PCDHGB5: variants seen among roughly 807,000 people sequenced by gnomAD.
The protein encoded by PCDHGB5 is protocadherin gamma-B5.
Under a neutral mutation model 62.9 loss-of-function variants are expected in PCDHGB5, and 48 were observed. That is an observed-to-expected ratio of 0.76 (90% CI 0.61 to 0.97). PCDHGB5 has a LOEUF of 0.97. Ranked by LOEUF, PCDHGB5 falls within the 50% of genes least tolerant of loss-of-function variation. PCDHGB5 has a pLI of 0.00. For synonymous variants in PCDHGB5, 474 were observed against 511.2 expected (o/e 0.93, Z 0.98); for missense variants, 1,118 against 1,198.6 (o/e 0.93, Z 0.99).
rs771117256 is a variant in PCDHGB5 at position 141,400,217 on chromosome 5, T to A, written c.2090T>A (p.Val697Glu). 6.2e-7 allele frequency: 1 copy of A among 1,613,916 alleles called. No individual in the cohort carries two copies. Among genetic ancestry groups the A allele is most frequent in the Non-Finnish European group, 8.5e-7 (1 of 1,179,908 alleles). Residue 697 changes from valine (V) to glutamate (E), a missense_variant, in exon 1 of 4, where the codon GTG (valine) becomes GAG (glutamate). Transcript: ENST00000617380. ...GTGGTGGCCTTGGCCTTGATCTCAG[T>A]GCTCTTCCTCCTGGCCGTGATTCTG... ...YLVVALALISVLFLLAVILAV... is the reference protein window; with the variant it reads ...YLVVALALISELFLLAVILAV...
rs1427052612 is a variant in PCDHGB5 at position 141,493,002 on chromosome 5, A to G, written c.2398-1805A>G. Among the ~76,000 whole-genome samples, 4 of 152,246 alleles carry G rather than the reference A, an allele frequency of 2.6e-5. No individual in the cohort carries two copies. The highest frequency in any genetic ancestry group is 2.1e-4 in the South Asian group (1 of 4,832). On this transcript the variant is annotated intron_variant, in intron 1 of 3. Transcript: ENST00000617380. This position sits in a 1 kb window ranked among gnomAD's most constrained non-coding sequence, Gnocchi z 4.3. ...TCTCCTCTGGCAGATGGAAAGCTAT[A>G]GGCTCTGCCAGATGCCAGGGTGCCC... is the stretch of plus-strand genomic sequence containing the variant.
At chr5:141,492,063 C>T in intron 1 of PCDHGB5, 1 of 481,160 alleles carries the variant, frequency 2.1e-6, no homozygotes, top group African/African-American at 2.0e-5. Flanking sequence ...CAGCCAGCCT[C>T]CTAGGCGCCG....
intron 1 of PCDHGB5, chr5:141,417,592 TG>T: frequency 2.1e-6 from 1 of 485,078 alleles, no homozygotes; most frequent in Non-Finnish European, 3.5e-6. Context: ...ACAGAGCCTC[TG>T]GGCGCCGCCG....
chr5:141,481,502 T>G (rs1425241526), intron 1 of PCDHGB5, among the ~76,000 whole-genome samples: 1 of 152,232 alleles, frequency 6.6e-6, no homozygotes, highest in Non-Finnish European at 1.5e-5. Context: ...TTGCATGGTA[T>G]GTGAATTATG....
intron 1 of PCDHGB5, chr5:141,423,131 A>G (rs370773437): frequency 1.9e-6 from 3 of 1,613,538 alleles, no homozygotes; most frequent in Admixed American, 1.7e-5. Context: ...GCACTGCTGG[A>G]CAGAGACGCG....
intron 1 of PCDHGB5, among the ~76,000 whole-genome samples, chr5:141,447,339 A>T (rs767342137): frequency 6.6e-6 from 1 of 151,770 alleles, no homozygotes; most frequent in Non-Finnish European, 1.5e-5. Flanking sequence ...GGGTTTCATC[A>T]TATTGGTCAG....
intron 1 of PCDHGB5, among the ~76,000 whole-genome samples, chr5:141,464,404 T>G (rs1224596546): frequency 6.6e-6 from 1 of 151,532 alleles, no homozygotes; most frequent in African/African-American, 2.4e-5. Flanking sequence ...GAACCTGAGA[T>G]ATATATATAT....
intron 1 of PCDHGB5, chr5:141,409,289 G>A: frequency 1.2e-6 from 2 of 1,613,976 alleles, no homozygotes; most frequent in Middle Eastern, 1.6e-4. Context: ...TTCACCTCCA[G>A]GAATGGTTGT....
intron 1 of PCDHGB5, among the ~76,000 whole-genome samples, chr5:141,453,864 G>A (rs758778743): frequency 2.6e-5 from 4 of 152,192 alleles, no homozygotes; most frequent in Non-Finnish European, 5.9e-5. Context: ...GAAAATAACA[G>A]ATGAGCAAAA....
intron 1 of PCDHGB5, chr5:141,408,979 C>A (rs1331121466): frequency 6.2e-7 from 1 of 1,613,862 alleles, no homozygotes; most frequent in East Asian, 2.2e-5. Flanking sequence ...CCCCTGGGTC[C>A]CCTGTGTTGC....
chr5:141,431,206 G>A lies in PCDHGB5; in HGVS notation c.2397+30682G>A, dbSNP rs17097300. On this transcript the variant is annotated intron_variant, in intron 1 of 3. Coordinates refer to ENST00000617380, the MANE Select transcript of PCDHGB5 (RefSeq NM_018925.3). The surrounding 1 kb of genome is among the most constrained non-coding windows in gnomAD (Gnocchi z 4.8). ...AAATTAGTGAAAATGCAGCCACTGA[G>A]ATGCGGTTCCCTCTACCCCACGCCT... The A allele has an allele frequency of 0.041, 66,767 of 1,614,172 alleles. 3,763 individuals carry two copies. Among genetic ancestry groups the A allele is most frequent in the Admixed American group, 0.27 (16,026 of 60,028 alleles).
At chr5:141,419,155 A>G in intron 1 of PCDHGB5, 1 of 1,613,966 alleles carries the variant, frequency 6.2e-7, no homozygotes, top group Middle Eastern at 1.6e-4. Context: ...AGCCTCCGTT[A>G]TCCTCCAGCA....
rs2099686717 is a variant in PCDHGB5, at chr5:141,489,403, A to C, written c.2398-5404A>C. The C allele has an allele frequency of 6.2e-7, 1 of 1,614,172 alleles. No homozygotes were observed. Among genetic ancestry groups the C allele is most frequent in the East Asian group, 2.2e-5 (1 of 44,884 alleles). On this transcript the variant is annotated intron_variant, in intron 1 of 3. Coordinates refer to ENST00000617380, the MANE Select transcript of PCDHGB5 (RefSeq NM_018925.3). The surrounding 1 kb of genome is among the most constrained non-coding windows in gnomAD (Gnocchi z 4.5). ...GAATGTTGCTCAGGATCTGGGCTTA[A>C]AGATGACAGATCTGTTGAGCCGGCG...
intron 1 of PCDHGB5, 177 bp from the exon 2 acceptor site, chr5:141,494,630 C>T (rs991482599): frequency 5.8e-6 from 5 of 866,562 alleles, no homozygotes; most frequent in Non-Finnish European, 6.9e-6. Flanking sequence ...GTACCTCAGA[C>T]CTCTGAGACC....
Position 141,399,843 on chromosome 5 carries a change from T to C in PCDHGB5, c.1716T>C (p.Asp572=), listed in dbSNP as rs1452069886. ...ALGPDGSALF[D]MVPRAAEPGY... ...GTCCCGACGGCTCTGCGCTCTTCGATATGGTGCCGCGCGCTGCAGAGCCCG... is the reference window on the plus strand; with the variant it reads ...GTCCCGACGGCTCTGCGCTCTTCGACATGGTGCCGCGCGCTGCAGAGCCCG... Residue 572 remains aspartate (D), a synonymous_variant, in exon 1 of 4, where the codon GAT becomes GAC. Coordinates refer to ENST00000617380, the MANE Select transcript of PCDHGB5 (RefSeq NM_018925.3). 2.5e-6 allele frequency: 4 copies of C among 1,612,848 alleles called. No homozygotes were observed. The African/African-American group carries it at 5.3e-5, about 22-fold the overall frequency.
chr5:141,413,573 A>G (rs375156046), intron 1 of PCDHGB5: 12 of 1,613,768 alleles, frequency 7.4e-6, no homozygotes, highest in South Asian at 4.4e-5. Context: ...ATCAATGACA[A>G]TGCTCCAAAA....
intron 1 of PCDHGB5, among the ~76,000 whole-genome samples, chr5:141,444,372 T>C (rs967151811): frequency 6.6e-6 from 1 of 151,998 alleles, no homozygotes. Context: ...GGTTTCTCCA[T>C]GTTGGTCAGG....
rs899154780 is a variant in PCDHGB5, at chr5:141,402,932, A to C, written c.2397+2408A>C. ...AGCGCGCACAGAGATCCTTTTGAGAAAATTCCAAAGCGAGGCAGCAATGGC... is the reference window on the plus strand; with the variant it reads ...AGCGCGCACAGAGATCCTTTTGAGACAATTCCAAAGCGAGGCAGCAATGGC... On this transcript the variant is annotated intron_variant, in intron 1 of 3. Coordinates refer to ENST00000617380, the MANE Select transcript of PCDHGB5 (RefSeq NM_018925.3). 3 of 1,584,974 alleles carry C rather than the reference A, an allele frequency of 1.9e-6. No individual in the cohort carries two copies. In the Admixed American group the frequency reaches 5.4e-5, roughly 29 times the overall value.
At chr5:141,405,104 C>A in intron 1 of PCDHGB5, 3 of 1,613,940 alleles carry the variant, frequency 1.9e-6, no homozygotes, top group Non-Finnish European at 2.5e-6. Flanking sequence ...CAGGCTGAGG[C>A]ACTGGCACTC....
Sources: gnomAD v4.1 joint callset for allele counts (sites outside exome capture counted in the v4.1 genomes callset) on GRCh38, gnomAD v4.1.1 for gene constraint, Gnocchi (gnomAD v3.1) non-coding constraint, MANE v1.5 for transcripts, NCBI Gene and HGNC (gene_info 2026-07-23, HGNC 2026-07-21) for gene names.